DYDC1: variants seen among roughly 807,000 people sequenced by gnomAD.
DYDC1 encodes DPY30 domain-containing protein 1.
A neutral mutation model predicts 27.9 loss-of-function variants in DYDC1; 21 were observed. That is an observed-to-expected ratio of 0.75 (90% CI 0.53 to 1.08). The LOEUF (loss-of-function observed/expected upper bound fraction) is 1.08, where lower values mean the gene tolerates loss of function less well. DYDC1 is among the 50% of genes least tolerant of loss of function. DYDC1 has a pLI of 0.00. For synonymous variants in DYDC1, 67 were observed against 65.8 expected (o/e 1.02, Z -0.09); for missense variants, 202 against 205.9 (o/e 0.98, Z 0.12).
At chr10:80,340,299 T>C (rs1842275538) in intron 4 of DYDC1, among the ~76,000 whole-genome samples, 1 of 152,180 alleles carries the variant, frequency 6.6e-6, no homozygotes. Context: ...CACATGATAG[T>C]TTACATTGCG....
chr10:80,343,958 A>G (rs1842459260), intron 3 of DYDC1, among the ~76,000 whole-genome samples: 1 of 152,114 alleles, frequency 6.6e-6, no homozygotes, highest in Non-Finnish European at 1.5e-5. Context: ...TCTACTAAAA[A>G]TACCAAAAAA....
chr10:80,350,764 T>C (rs976202231), intron 3 of DYDC1, among the ~76,000 whole-genome samples: 2 of 152,232 alleles, frequency 1.3e-5, no homozygotes, highest in African/African-American at 4.8e-5. Flanking sequence ...CTGGTAGAAC[T>C]ATGGAAGTGG....
rs545891897 is a variant in DYDC1 at position 80,339,662 on chromosome 10, C to T, written c.343-509G>A. ...GAATATACTGCCCAATAAGGGAGGC[C>T]TCTTTCTGAATGTGAAACATTCTTC... On this transcript the variant is annotated intron_variant, in intron 4 of 6. Coordinates refer to ENST00000372202, the MANE Select transcript of DYDC1 (RefSeq NM_001269053.2). 2.6e-5 allele frequency among the ~76,000 whole-genome samples: 4 copies of T among 152,260 alleles called. No homozygotes were observed. The South Asian group carries it at 8.3e-4, about 32-fold the overall frequency.
intron 3 of DYDC1, among the ~76,000 whole-genome samples, chr10:80,343,501 G>A (rs1039603244): frequency 2.0e-5 from 3 of 152,052 alleles, no homozygotes. Context: ...AGCCAGGGAT[G>A]GGTGGCTTAT....
chr10:80,356,447 C>G, intron 1 of DYDC1: 1 of 985,344 alleles, frequency 1.0e-6, no homozygotes, highest in Non-Finnish European at 1.2e-6. Flanking sequence ...GGCAACCTCC[C>G]GGGGCGCTCA....
At chr10:80,354,924 G>A (rs1210675201) in intron 1 of DYDC1, among the ~76,000 whole-genome samples, 1 of 152,050 alleles carries the variant, frequency 6.6e-6, no homozygotes, top group East Asian at 1.9e-4. Flanking sequence ...AACAGTCTCT[G>A]CCTTCATGGA....
chr10:80,346,074 T>C (rs1268096662), intron 3 of DYDC1, among the ~76,000 whole-genome samples: 2 of 152,204 alleles, frequency 1.3e-5, no homozygotes, highest in Non-Finnish European at 2.9e-5. Flanking sequence ...TCTCGAACTC[T>C]GGACCTCAAG....
chr10:80,342,989 A>AAAAG (rs1842393208), intron 3 of DYDC1, among the ~76,000 whole-genome samples: 1 of 150,626 alleles, frequency 6.6e-6, no homozygotes. Context: ...TCAAAAAAAA[A>AAAAG]AAAAAAAAAG....
In DYDC1 at chr10:80,341,500, A is replaced by G. The variant is rs141906742; in HGVS notation, c.342+769T>C. ...AAAAAGTTACTGCATAGTTTATTTT[A>G]ATGAAAGTCCATGTATGAACATATT... is the stretch of plus-strand genomic sequence containing the variant. On this transcript the variant is annotated intron_variant, in intron 4 of 6. Coordinates refer to ENST00000372202, the MANE Select transcript of DYDC1 (RefSeq NM_001269053.2). Among the ~76,000 whole-genome samples, 370 of 151,706 alleles carry G rather than the reference A, an allele frequency of 2.4e-3. 2 individuals carry two copies. Among genetic ancestry groups the G allele is most frequent in the African/African-American group, 8.6e-3 (354 of 41,386 alleles).
chr10:80,352,077 T>C (rs1589519958), intron 2 of DYDC1, 75 bp from the exon 3 acceptor site: 2 of 1,364,134 alleles, frequency 1.5e-6, no homozygotes, highest in East Asian at 4.6e-5. Context: ...TTGAAAGCAC[T>C]TAATAGGAAC....
At chr10:80,346,884 G>A (rs1169108055) in intron 3 of DYDC1, among the ~76,000 whole-genome samples, 3 of 151,324 alleles carry the variant, frequency 2.0e-5, no homozygotes, top group Non-Finnish European at 2.9e-5. Flanking sequence ...AGACCAGCCT[G>A]GCCAACATGG....
intron 6 of DYDC1, 34 bp from the exon 7 acceptor site, chr10:80,336,219 T>C: frequency 6.4e-7 from 1 of 1,560,274 alleles, no homozygotes; most frequent in Non-Finnish European, 8.6e-7. Flanking sequence ...TATTCCTTAA[T>C]ACAATTAGAA....
In DYDC1 at chr10:80,342,314, C is replaced by T. The variant is rs777842474; in HGVS notation, c.297G>A (p.Arg99=). 1 of 1,613,870 alleles carries T rather than the reference C, an allele frequency of 6.2e-7. No individual in the cohort carries two copies. Among genetic ancestry groups the T allele is most frequent in the South Asian group, 1.1e-5 (1 of 91,076 alleles). Residue 99 remains arginine, a synonymous_variant, in exon 4 of 7, where the codon AGG becomes AGA. Coordinates refer to ENST00000372202, the MANE Select transcript of DYDC1 (RefSeq NM_001269053.2). ...CTCTCTGTAGTTCTTGTATTCTCTG[C>T]CTCTCCTTTTCTTGCATTTCCAACT... ...QLELEMQEKE[R]QRIQELQRAQ... is the part of the protein sequence containing the mutation.
chr10:80,338,222 T>C, intron 6 of DYDC1: 1 of 985,482 alleles, frequency 1.0e-6, no homozygotes, highest in Non-Finnish European at 1.2e-6. Flanking sequence ...AAAACATATT[T>C]TGAAGAGGTT....
chr10:80,336,180 T>C lies in DYDC1; in HGVS notation c.510A>G (p.Ala170=). ...CCTACAAATCTTGATCAATGTTTAATGCAATCTAAAAGCAAAACAAAAAGT... is the reference window on the plus strand; with the variant it reads ...CCTACAAATCTTGATCAATGTTTAACGCAATCTAAAAGCAAAACAAAAAGT... ...ELDEPMFSDI[A]LNIDQDL is the part of the protein sequence containing the mutation. Residue 170 remains alanine (A), a synonymous_variant, in exon 7 of 7, where the codon GCA becomes GCG. Coordinates refer to ENST00000372202, the MANE Select transcript of DYDC1 (RefSeq NM_001269053.2). 6.4e-7 allele frequency: 1 copy of C among 1,566,826 alleles called. No homozygotes were observed. Among genetic ancestry groups the C allele is most frequent in the East Asian group, 2.3e-5 (1 of 43,698 alleles).
intron 5 of DYDC1, 130 bp from the exon 6 acceptor site, chr10:80,338,701 C>A: frequency 1.1e-6 from 1 of 949,642 alleles, no homozygotes. Flanking sequence ...GTGGAATTAA[C>A]CAATTTCTGT....
intron 4 of DYDC1, among the ~76,000 whole-genome samples, chr10:80,339,578 A>G (rs1305159704): frequency 1.3e-5 from 2 of 152,164 alleles, no homozygotes; most frequent in Non-Finnish European, 2.9e-5. Context: ...GGCCCAATGC[A>G]CAAGTCCTCC....
At position 80,355,470 on chromosome 10, in the gene DYDC1, A is replaced by G. The variant is rs1307418592; in HGVS notation, c.-10+1242T>C. ...TATGCATTCACCCTTTGACTCATCAATCTTGCTTCTTGGATCCTATCTCAA... is the reference window on the plus strand; with the variant it reads ...TATGCATTCACCCTTTGACTCATCAGTCTTGCTTCTTGGATCCTATCTCAA... On this transcript the variant is annotated intron_variant, in intron 1 of 6. Transcript: ENST00000372202. Among the ~76,000 whole-genome samples, 4 of 152,096 alleles carry G rather than the reference A, an allele frequency of 2.6e-5. No individual in the cohort carries two copies. The South Asian group carries it at 6.2e-4, about 24-fold the overall frequency.
At position 80,338,485 on chromosome 10, in the gene DYDC1, A is replaced by C. The variant is rs1337100218; in HGVS notation, c.486T>G (p.Asp162Glu). 1 of 1,613,304 alleles carries C rather than the reference A, an allele frequency of 6.2e-7. No homozygotes were observed. Among genetic ancestry groups the C allele is most frequent in the Admixed American group, 1.7e-5 (1 of 59,808 alleles). ...TACTGACATCAGAAAACATTGGTTC[A>C]TCAAGTTCTTCCACTCTGCTCAAGT... is the stretch of plus-strand genomic sequence containing the variant. Reference protein sequence around the residue: ...APNLSRVEELDEPMFSDIALN... With the variant: ...APNLSRVEELEEPMFSDIALN... The change falls in exon 6 of 7, where the codon GAT becomes GAG. Residue 162 changes from aspartate (D) to glutamate (E), a missense_variant. By Grantham distance (45) the Asp-to-Glu change is conservative (BLOSUM62 2). Coordinates refer to ENST00000372202, the MANE Select transcript of DYDC1 (RefSeq NM_001269053.2).
Sources: gnomAD v4.1 joint callset for allele counts (sites outside exome capture counted in the v4.1 genomes callset) on GRCh38, gnomAD v4.1.1 for gene constraint, MANE v1.5 for transcripts, NCBI Gene and HGNC (gene_info 2026-07-23, HGNC 2026-07-21) for gene names.